The following RNMT variants were observed in gnomAD, a reference collection of about 807,000 sequenced individuals.
The protein encoded by RNMT is RNA guanine-7 methyltransferase.
A neutral mutation model predicts 56.0 loss-of-function variants in RNMT; 27 were observed. That is an observed-to-expected ratio of 0.48 (90% CI 0.36 to 0.67). The LOEUF (loss-of-function observed/expected upper bound fraction) is 0.67, where lower values mean the gene tolerates loss of function less well. Among genes scored for constraint, RNMT ranks in the 30% least tolerant of loss-of-function variants. RNMT has a pLI of 0.00. For synonymous variants in RNMT, 184 were observed against 176.2 expected, an observed-to-expected ratio of 1.04 and a Z score of -0.35; for missense variants, 519 against 552.1, an observed-to-expected ratio of 0.94 and a Z score of 0.60.
At position 13,763,216 on chromosome 18, in the gene RNMT, GAC is replaced by G. The variant is rs1309969467; in HGVS notation, c.*3239_*3240del. 1.6e-5 allele frequency: 7 copies of G among 447,312 alleles called. No individual in the cohort carries two copies. The highest frequency in any genetic ancestry group is 1.8e-5 in the Non-Finnish European group (4 of 221,990). 27.7% of individuals were successfully genotyped at this position (447,312 alleles called of 1,614,324 possible). ...CAAGTGTTTTCATTCCCCGCCCTCT[GAC>G]AGAACAACATTCCTAATTCTTTGAA... On this transcript the variant is annotated 3_prime_UTR_variant, in exon 12 of 12. Transcript: ENST00000383314.
rs1245035240 is a variant in RNMT, at chr18:13,764,155, T to A, written c.*4176T>A. The stretch of plus-strand genomic sequence containing the variant: ...CGAGAGTGTAGCCAAAGTGAGAGGC[T>A]GAGAGCAAAGGAGACATTTTTTTCA... On this transcript the variant is annotated 3_prime_UTR_variant, in exon 12 of 12. Coordinates refer to ENST00000383314, the MANE Select transcript of RNMT (RefSeq NM_003799.3). The A allele has an allele frequency of 6.6e-6, 1 of 152,194 alleles. No homozygotes were observed. The highest frequency in any genetic ancestry group is 1.9e-4 in the East Asian group (1 of 5,194). The allele number at this position is 152,194 out of a possible 1,614,324, so 9.4% of individuals were successfully genotyped here.
chr18:13,752,297 G>A, intron 9 of RNMT, 29 bp from the exon 10 acceptor site: 1 of 1,371,202 alleles, frequency 7.3e-7, no homozygotes, highest in Non-Finnish European at 1.0e-6. Context: ...TTCCGTTATT[G>A]TAACTAGGAC....
chr18:13,739,144 T>C (rs1007620010), intron 5 of RNMT, among the ~76,000 whole-genome samples: 1 of 152,118 alleles, frequency 6.6e-6, no homozygotes, highest in African/African-American at 2.4e-5. Context: ...TCAAAATAAT[T>C]TTCTCAGAAA....
Position 13,746,340 on chromosome 18 carries a change from G to A in RNMT, c.1257+3G>A. On this transcript the variant is annotated splice_donor_region_variant and intron_variant, in intron 9 of 11. Coordinates refer to ENST00000383314, the MANE Select transcript of RNMT (RefSeq NM_003799.3). Reference sequence around the variant, plus strand: ...TAAAACGAATGCAGGCCTTGGAGGTGAGTATTTAGAAAAGATGTACAAATT... The same window carrying A: ...TAAAACGAATGCAGGCCTTGGAGGTAAGTATTTAGAAAAGATGTACAAATT... 6.8e-7 allele frequency: 1 copy of A among 1,460,366 alleles called. No individual in the cohort carries two copies. Among genetic ancestry groups the A allele is most frequent in the Non-Finnish European group, 9.5e-7 (1 of 1,054,066 alleles). 90.5% of individuals were successfully genotyped at this position (1,460,366 alleles called of 1,614,324 possible).
intron 9 of RNMT, 35 bp from the exon 10 acceptor site, chr18:13,752,291 G>A (rs765436159): frequency 1.8e-5 from 24 of 1,311,524 alleles, no homozygotes; most frequent in South Asian, 4.8e-5. Context: ...GTAAATTTCC[G>A]TTATTGTAAC....
In RNMT at chr18:13,764,151, A is replaced by G. The variant is rs1187294923; in HGVS notation, c.*4172A>G. 6.6e-6 allele frequency: 1 copy of G among 152,226 alleles called. No individual in the cohort carries two copies. Among genetic ancestry groups the G allele is most frequent in the African/African-American group, 2.4e-5 (1 of 41,456 alleles). 9.4% of individuals were successfully genotyped at this position (152,226 alleles called of 1,614,324 possible). A position where few individuals can be genotyped will look rare whatever the true frequency, so the allele number is the denominator to read the frequency against. ...AGTACGAGAGTGTAGCCAAAGTGAG[A>G]GGCTGAGAGCAAAGGAGACATTTTT... On this transcript the variant is annotated 3_prime_UTR_variant, in exon 12 of 12. Coordinates refer to ENST00000383314, the MANE Select transcript of RNMT (RefSeq NM_003799.3).
chr18:13,762,132 C>G lies in RNMT; in HGVS notation c.*2153C>G, dbSNP rs1402233917. 1.3e-6 allele frequency: 2 copies of G among 1,535,420 alleles called. No individual in the cohort carries two copies. Among genetic ancestry groups the G allele is most frequent in the Middle Eastern group, 1.7e-4 (1 of 6,012 alleles). On this transcript the variant is annotated 3_prime_UTR_variant, in exon 12 of 12. Transcript: ENST00000383314. ...GCAAGCTCAGTGAAGTGGGGCACTC[C>G]CAGACCTGCCATGCAGTTTATCCTC...
chr18:13,731,440 T>C, intron 2 of RNMT, 36 bp from the exon 3 acceptor site: 2 of 1,152,106 alleles, frequency 1.7e-6, no homozygotes, highest in Non-Finnish European at 2.5e-6. Context: ...AAAGTCTTAG[T>C]GTTTACAAGT....
intron 3 of RNMT, among the ~76,000 whole-genome samples, chr18:13,733,494 C>G (rs1174037199): frequency 6.6e-6 from 1 of 152,164 alleles, no homozygotes; most frequent in Non-Finnish European, 1.5e-5. Flanking sequence ...TCTCCTGCCT[C>G]AGCCTCCTGA....
At chr18:13,748,407 A>G (rs1377016746) in intron 9 of RNMT, among the ~76,000 whole-genome samples, 1 of 152,220 alleles carries the variant, frequency 6.6e-6, no homozygotes, top group Non-Finnish European at 1.5e-5. Context: ...ACATGACCAG[A>G]TAAGAGTTAG....
At position 13,742,567 on chromosome 18, in the gene RNMT, C is replaced by A; in HGVS notation, c.1054C>A (p.Pro352Thr). 6.2e-7 allele frequency: 1 copy of A among 1,613,292 alleles called. No individual in the cohort carries two copies. The change falls in exon 8 of 12, where the codon CCT (proline) becomes ACT (threonine). Residue 352 changes from proline to threonine, a missense_variant. Pro to Thr is a conservative substitution (Grantham distance 38). Coordinates refer to ENST00000383314, the MANE Select transcript of RNMT (RefSeq NM_003799.3). ...GAAATTTCAGAAGAAAGGAGATTAT[C>A]CTTTATTTGGCTGCAAATATGACTT... is the stretch of plus-strand genomic sequence containing the variant. ...TVKFQKKGDY[P>T]LFGCKYDFNL...
rs377547660 is a variant in RNMT, at chr18:13,759,994, G to A, written c.*15G>A. 5.0e-6 allele frequency: 8 copies of A among 1,612,748 alleles called. No homozygotes were observed. The African/African-American group carries it at 8.0e-5, about 16-fold the overall frequency. ...AACAGCAGTGAGCACATAGGCAGTA[G>A]TCCCAGAGGGGCCGTGTTCTGTCCT... is the stretch of plus-strand genomic sequence containing the variant. On this transcript the variant is annotated 3_prime_UTR_variant, in exon 12 of 12. Coordinates refer to ENST00000383314, the MANE Select transcript of RNMT (RefSeq NM_003799.3).
Position 13,761,586 on chromosome 18 carries a change from T to C in RNMT, c.*1607T>C. The C allele has an allele frequency of 1.0e-6, 1 of 992,564 alleles. No individual in the cohort carries two copies. Among genetic ancestry groups the C allele is most frequent in the Non-Finnish European group, 1.2e-6 (1 of 833,936 alleles). 61.5% of individuals were successfully genotyped at this position (992,564 alleles called of 1,614,324 possible). A position where few individuals can be genotyped will look rare whatever the true frequency, so the allele number is the denominator to read the frequency against. On this transcript the variant is annotated 3_prime_UTR_variant, in exon 12 of 12. Transcript: ENST00000383314. ...ATGGGTAACTTGGGGGAGAGAAGAATCCTCCAAACGATGGAGTAGCCAGTG... is the reference window on the plus strand; with the variant it reads ...ATGGGTAACTTGGGGGAGAGAAGAACCCTCCAAACGATGGAGTAGCCAGTG...
chr18:13,739,082 A>G (rs1402813388), intron 5 of RNMT, among the ~76,000 whole-genome samples: 5 of 152,194 alleles, frequency 3.3e-5, no homozygotes, highest in Non-Finnish European at 7.3e-5. Flanking sequence ...TTTCAAGAAA[A>G]TATGTGCCAG....
rs1205840133 is a variant in RNMT at position 13,762,217 on chromosome 18, G to A, written c.*2238G>A. ...TATTGGTGGGAATGACGGAACTGGGGATTGCGATGATTGATCTGGGAACAT... is the reference window on the plus strand; with the variant it reads ...TATTGGTGGGAATGACGGAACTGGGAATTGCGATGATTGATCTGGGAACAT... On this transcript the variant is annotated 3_prime_UTR_variant, in exon 12 of 12. Transcript: ENST00000383314. 10 of 1,445,560 alleles carry A rather than the reference G, an allele frequency of 6.9e-6. No homozygotes were observed. In the African/African-American group the frequency reaches 9.9e-5, roughly 14 times the overall value. 89.5% of individuals were successfully genotyped at this position (1,445,560 alleles called of 1,614,324 possible).
chr18:13,746,444 G>A (rs537027127), intron 9 of RNMT, 107 bp downstream of exon 9: 22 of 732,184 alleles, frequency 3.0e-5, no homozygotes, highest in Non-Finnish European at 5.2e-5. Context: ...TGTGTATTAC[G>A]CTCTTCAGCA....
At chr18:13,745,559 G>A (rs1226868381) in intron 8 of RNMT, among the ~76,000 whole-genome samples, 1 of 152,192 alleles carries the variant, frequency 6.6e-6, no homozygotes, top group African/African-American at 2.4e-5. Flanking sequence ...TAAAAGAGCA[G>A]TGATGTTCAG....
intron 8 of RNMT, chr18:13,742,899 C>A (rs1252222619): frequency 3.6e-6 from 1 of 279,700 alleles, no homozygotes; most frequent in African/African-American, 2.2e-5. Context: ...ATTTTTTAAT[C>A]CTGTGGGTGA....
chr18:13,758,430 C>T (rs571117977), intron 11 of RNMT, among the ~76,000 whole-genome samples: 1 of 152,366 alleles, frequency 6.6e-6, no homozygotes, highest in Non-Finnish European at 1.5e-5. Flanking sequence ...GCAGCTTCTA[C>T]ATCAGCACTT....
Sources: allele counts gnomAD v4.1 joint callset (sites outside exome capture counted in the v4.1 genomes callset), GRCh38; gene constraint gnomAD v4.1.1; transcripts MANE v1.5; gene names NCBI Gene and HGNC (gene_info 2026-07-23, HGNC 2026-07-21).